The following PICK1 variants were observed in gnomAD, a reference collection of about 807,000 sequenced individuals.
PICK1 encodes the protein protein interacting with PRKCA 1, also known as PRKCA-binding protein.
A neutral mutation model predicts 48.9 loss-of-function variants in PICK1; 23 were observed. The observed-to-expected ratio is 0.47, with a 90% CI of 0.34 to 0.67. The LOEUF is 0.67. Ranked by LOEUF, PICK1 falls within the 30% of genes least tolerant of loss-of-function variation. The pLI is 0.01. For missense variants in PICK1, 423 were observed against 557.1 expected, an observed-to-expected ratio of 0.76 and a Z score of 2.42; for synonymous variants, 217 against 228.2, an observed-to-expected ratio of 0.95 and a Z score of 0.44.
chr22:38,074,675 T>A lies in PICK1; in HGVS notation c.980-189T>A, dbSNP rs549369465. Reference sequence around the variant, plus strand: ...CTGCAGCCTCCTGCGTTCCCTGAACTGGGAGCGGGGAGGCCCCGGGCTGGG... The same window carrying A: ...CTGCAGCCTCCTGCGTTCCCTGAACAGGGAGCGGGGAGGCCCCGGGCTGGG... On this transcript the variant is annotated intron_variant, in intron 12 of 12. Coordinates refer to ENST00000356976, the MANE Select transcript of PICK1 (RefSeq NM_012407.4). The surrounding 1 kb of genome is among the most constrained non-coding windows in gnomAD (Gnocchi z 4.5). Among the ~76,000 whole-genome samples the A allele has an allele frequency of 2.0e-5, 3 of 152,128 alleles. No homozygotes were observed. Among genetic ancestry groups the A allele is most frequent in the Non-Finnish European group, 4.4e-5 (3 of 68,000 alleles).
In PICK1 at chr22:38,073,113, G is replaced by GCA; in HGVS notation, c.783+21_783+22insCA. The GCA allele has an allele frequency of 6.7e-7, 1 of 1,500,576 alleles. No individual in the cohort carries two copies. The highest frequency in any genetic ancestry group is 9.3e-7 in the Non-Finnish European group (1 of 1,076,952). 93.0% of individuals were successfully genotyped at this position (1,500,576 alleles called of 1,614,324 possible). On this transcript the variant is annotated intron_variant, in intron 10 of 12. Transcript: ENST00000356976. The surrounding 1 kb of genome is among the most constrained non-coding windows in gnomAD (Gnocchi z 5.7). ...ACCTGGTGAGTAGTCCAGGTGCCCA[G>GCA]GCTGCTAGGGCAAGCGCCCACCCTG...
chr22:38,067,192 C>T (rs940839888), intron 4 of PICK1, among the ~76,000 whole-genome samples: 1 of 152,068 alleles, frequency 6.6e-6, no homozygotes, highest in Non-Finnish European at 1.5e-5. Context: ...CCTGTCCCCA[C>T]TGATTCCCCA....
chr22:38,057,535 G>A lies in PICK1; in HGVS notation c.-110G>A, dbSNP rs1463985771. On this transcript the variant is annotated 5_prime_UTR_variant, in exon 1 of 13. Coordinates refer to ENST00000356976, the MANE Select transcript of PICK1 (RefSeq NM_012407.4). Reference sequence around the variant, plus strand: ...CCCAGGGCCTGGAGACCCGTGGGGCGGACTCTGGGATCTGAGCCTATCGCC... The same window carrying A: ...CCCAGGGCCTGGAGACCCGTGGGGCAGACTCTGGGATCTGAGCCTATCGCC... 3.4e-5 allele frequency: 17 copies of A among 506,928 alleles called. No homozygotes were observed. The highest frequency in any genetic ancestry group is 3.2e-4 in the Admixed American group (10 of 31,020). The allele number at this position is 506,928 out of a possible 1,614,324, so 31.4% of individuals were successfully genotyped here. A position where few individuals can be genotyped will look rare whatever the true frequency, so the allele number is the denominator to read the frequency against.
chr22:38,063,273 C>T (rs923120468), intron 3 of PICK1, among the ~76,000 whole-genome samples: 1 of 152,042 alleles, frequency 6.6e-6, no homozygotes, highest in Non-Finnish European at 1.5e-5. Flanking sequence ...CCTCCCACCT[C>T]AGACCCCCGA....
intron 6 of PICK1, among the ~76,000 whole-genome samples, chr22:38,069,380 G>T (rs756623836): frequency 6.6e-6 from 1 of 152,104 alleles, no homozygotes; most frequent in African/African-American, 2.4e-5. Flanking sequence ...GTGTGGGGAG[G>T]TGCCTCTGCC....
intron 2 of PICK1, chr22:38,058,060 A>C: frequency 3.2e-6 from 2 of 618,598 alleles, no homozygotes; most frequent in South Asian, 3.7e-5. Flanking sequence ...CCATAAGGGC[A>C]CTATTAGCAT....
At position 38,074,348 on chromosome 22, in the gene PICK1, T is replaced by C. The variant is rs536154365; in HGVS notation, c.876T>C (p.Tyr292=). Residue 292 remains tyrosine (Y), a synonymous_variant, in exon 12 of 13, where the codon TAT becomes TAC. Transcript: ENST00000356976. This position sits in a 1 kb window ranked among gnomAD's most constrained non-coding sequence, Gnocchi z 4.5. ...EPLYRVSTGN[Y]EYRLILRCRQ... ...TTTACCGGGTGAGCACCGGCAACTA[T>C]GAGTACCGCCTGATCCTGCGCTGCC... 8 of 1,593,370 alleles carry C rather than the reference T, an allele frequency of 5.0e-6. No homozygotes were observed. In the South Asian group the frequency reaches 8.8e-5, roughly 18 times the overall value.
rs919953933 is a variant in PICK1 at position 38,073,408 on chromosome 22, T to C, written c.783+316T>C. On this transcript the variant is annotated intron_variant, in intron 10 of 12. Transcript: ENST00000356976. This position sits in a 1 kb window ranked among gnomAD's most constrained non-coding sequence, Gnocchi z 5.7. ...TCAGTGAACGTTCGTGAGTTTTACA[T>C]TTAATTATTCTACAGTCAAAGGAAT... 5.9e-5 allele frequency among the ~76,000 whole-genome samples: 9 copies of C among 152,252 alleles called. No individual in the cohort carries two copies. Among genetic ancestry groups the C allele is most frequent in the Admixed American group, 2.6e-4 (4 of 15,292 alleles).
intron 2 of PICK1, 171 bp downstream of exon 2, chr22:38,058,021 A>G (rs1457115269): frequency 4.3e-6 from 3 of 698,988 alleles, no homozygotes; most frequent in African/African-American, 1.8e-5. Context: ...GGGGCTGTGG[A>G]CAGTTAAAGG....
chr22:38,064,977 C>T lies in PICK1; in HGVS notation c.154-25C>T, dbSNP rs148164306. The T allele has an allele frequency of 5.3e-4, 858 of 1,613,424 alleles. 4 individuals are homozygous for T. The African/African-American group carries it at 9.7e-3, about 18-fold the overall frequency. ...CATCTTAGCCCTCCCTTTCTTCCCC[C>T]ACCACTCTCCTTATGCACCCACAGG... On this transcript the variant is annotated intron_variant, in intron 3 of 12. Transcript: ENST00000356976.
chr22:38,062,816 C>T (rs886878609), intron 3 of PICK1, among the ~76,000 whole-genome samples: 7 of 152,324 alleles, frequency 4.6e-5, no homozygotes, highest in Admixed American at 2.6e-4. Context: ...CAAGAATGAA[C>T]GTCAAGGTTG....
At chr22:38,061,632 A>C (rs745722566) in intron 3 of PICK1, among the ~76,000 whole-genome samples, 2 of 152,014 alleles carry the variant, frequency 1.3e-5, no homozygotes, top group East Asian at 1.9e-4. Flanking sequence ...TGATTCTCCC[A>C]CTTGAGCCTC....
At position 38,074,762 on chromosome 22, in the gene PICK1, C is replaced by G; in HGVS notation, c.980-102C>G. Reference sequence around the variant, plus strand: ...GTCAGGGAAGTGCCCGAGTGGGAAGCCCAGGGGAGGCGAGAGGTGGGCCGG... The same window carrying G: ...GTCAGGGAAGTGCCCGAGTGGGAAGGCCAGGGGAGGCGAGAGGTGGGCCGG... On this transcript the variant is annotated intron_variant, in intron 12 of 12. Transcript: ENST00000356976. The surrounding 1 kb of genome is among the most constrained non-coding windows in gnomAD (Gnocchi z 4.5). 1 of 1,476,066 alleles carries G rather than the reference C, an allele frequency of 6.8e-7. No homozygotes were observed. Among genetic ancestry groups the G allele is most frequent in the Non-Finnish European group, 9.2e-7 (1 of 1,081,632 alleles). The allele number at this position is 1,476,066 out of a possible 1,614,324, so 91.4% of individuals were successfully genotyped here. A position where few individuals can be genotyped will look rare whatever the true frequency, so the allele number is the denominator to read the frequency against.
At chr22:38,069,379 G>T (rs1232009268) in intron 6 of PICK1, among the ~76,000 whole-genome samples, 1 of 152,132 alleles carries the variant, frequency 6.6e-6, no homozygotes, top group East Asian at 1.9e-4. Context: ...AGTGTGGGGA[G>T]GTGCCTCTGC....
intron 4 of PICK1, 104 bp downstream of exon 4, chr22:38,065,234 C>T: frequency 8.8e-7 from 1 of 1,133,094 alleles, no homozygotes; most frequent in Non-Finnish European, 1.3e-6. Flanking sequence ...TATCAGCCCT[C>T]ACCGCCCCCT....
At chr22:38,071,075 A>G (rs905449635) in intron 7 of PICK1, among the ~76,000 whole-genome samples, 184 bp downstream of exon 7, 1 of 152,334 alleles carries the variant, frequency 6.6e-6, no homozygotes, top group Middle Eastern at 3.4e-3. Flanking sequence ...GGCCTGGTGC[A>G]GTGGCTCACG....
intron 3 of PICK1, 135 bp downstream of exon 3, chr22:38,059,480 C>T (rs890904254): frequency 3.1e-5 from 22 of 701,302 alleles, no homozygotes; most frequent in Non-Finnish European, 5.2e-5. Flanking sequence ...GCTTTCTGAC[C>T]ACCTGCGCTG....
intron 3 of PICK1, among the ~76,000 whole-genome samples, chr22:38,059,588 T>G (rs575455638): frequency 2.6e-5 from 4 of 152,346 alleles, no homozygotes; most frequent in Admixed American, 2.6e-4. Context: ...GAGTAGACTC[T>G]TTGCACTGAG....
At position 38,066,840 on chromosome 22, in the gene PICK1, A is replaced by G. The variant is rs1018609707; in HGVS notation, c.283-864A>G. Among the ~76,000 whole-genome samples the G allele has an allele frequency of 2.6e-5, 4 of 152,386 alleles. No individual in the cohort carries two copies. The East Asian group carries it at 5.8e-4, about 22-fold the overall frequency. ...GTGAACACAGCGCCCTCCCGTGCTC[A>G]GGCAAGTCCTCTTGGGAGAAGCCTT... On this transcript the variant is annotated intron_variant, in intron 4 of 12. Transcript: ENST00000356976. The surrounding 1 kb of genome is among the most constrained non-coding windows in gnomAD (Gnocchi z 4.1).
Sources: allele counts gnomAD v4.1 joint callset (sites outside exome capture counted in the v4.1 genomes callset), GRCh38; gene constraint gnomAD v4.1.1; non-coding constraint Gnocchi (gnomAD v3.1); transcripts MANE v1.5; gene names NCBI Gene and HGNC (gene_info 2026-07-23, HGNC 2026-07-21).